The following ATP2C2 variants were observed in gnomAD, a reference collection of about 807,000 sequenced individuals.
ATP2C2 encodes ATPase secretory pathway Ca2+ transporting 2.
ATP2C2 carries 171 observed loss-of-function variants against 110.8 expected under a neutral mutation model. The ratio of observed to expected loss-of-function variants is 1.54; its 90% CI spans 1.36 to 1.75. The LOEUF (loss-of-function observed/expected upper bound fraction) is 1.75. ATP2C2 is among the 40% of genes most tolerant of loss of function. ATP2C2 has a pLI of 0.00. For missense variants in ATP2C2, 1,963 were observed against 1,235.0 expected (o/e 1.59, Z -8.84); for synonymous variants, 804 against 508.4 (o/e 1.58, Z -7.82).
intron 23 of ATP2C2, chr16:84,459,669 T>C (rs919815001): frequency 2.3e-6 from 3 of 1,310,744 alleles, no homozygotes; most frequent in Non-Finnish European, 3.1e-6. Flanking sequence ...TCATGCTTCA[T>C]TCCAGTCACC....
rs573411207 is a variant in ATP2C2, at chr16:84,463,758, C to T, written c.*26C>T. On this transcript the variant is annotated 3_prime_UTR_variant, in exon 27 of 27. Transcript: ENST00000262429. ...TGGACCGCACTCCGCGGCACCTTCC[C>T]TAATCATCTCGATCTGGTTGTGACT... The T allele has an allele frequency of 6.4e-7, 1 of 1,572,656 alleles. No homozygotes were observed. The highest frequency in any genetic ancestry group is 1.1e-5 in the South Asian group (1 of 90,240).
intron 11 of ATP2C2, among the ~76,000 whole-genome samples, chr16:84,430,043 G>A (rs907838378): frequency 6.6e-6 from 1 of 152,048 alleles, no homozygotes; most frequent in Non-Finnish European, 1.5e-5. Context: ...TTATAAGGAC[G>A]CCAGTTGTAT....
intron 10 of ATP2C2, among the ~76,000 whole-genome samples, chr16:84,425,244 C>T (rs544894600): frequency 4.3e-4 from 65 of 152,270 alleles, no homozygotes; most frequent in African/African-American, 1.5e-3. Context: ...GTCTCGTACA[C>T]CTAGTGCAGT....
At chr16:84,448,217 G>C (rs577438776) in intron 16 of ATP2C2, among the ~76,000 whole-genome samples, 12 of 152,150 alleles carry the variant, frequency 7.9e-5, no homozygotes, top group Non-Finnish European at 1.3e-4. Context: ...CACAGTCCCA[G>C]CTGGGATGAT....
chr16:84,440,570 G>C (rs72806625), intron 13 of ATP2C2, among the ~76,000 whole-genome samples: 17,075 of 152,270 alleles, frequency 0.11, 1,242 homozygotes, highest in Non-Finnish European at 0.16. Flanking sequence ...TCTTGGAATA[G>C]AAGCACTCTT....
At chr16:84,452,885 G>A (rs576501719) in intron 18 of ATP2C2, among the ~76,000 whole-genome samples, 1 of 152,190 alleles carries the variant, frequency 6.6e-6, no homozygotes, top group South Asian at 2.1e-4. Context: ...TCAGGTTCCA[G>A]TGTTACTCCT....
At chr16:84,449,457 G>A (rs1381154833) in intron 17 of ATP2C2, among the ~76,000 whole-genome samples, 1 of 152,206 alleles carries the variant, frequency 6.6e-6, no homozygotes, top group Non-Finnish European at 1.5e-5. Context: ...TCTACAATAG[G>A]CTTACAGGTA....
In ATP2C2 at chr16:84,405,261, C is replaced by A; in HGVS notation, c.327+17C>A. 2 of 1,592,980 alleles carry A rather than the reference C, an allele frequency of 1.3e-6. No homozygotes were observed. The highest frequency in any genetic ancestry group is 2.2e-5 in the South Asian group (2 of 90,480). On this transcript the variant is annotated intron_variant, in intron 3 of 26. Coordinates refer to ENST00000262429, the MANE Select transcript of ATP2C2 (RefSeq NM_014861.4). ...CTGGATCAGGTAGGACCAGAGGTGT[C>A]ATTCTTTGCATTAACATGCATAAGC...
intron 1 of ATP2C2, among the ~76,000 whole-genome samples, chr16:84,394,468 C>T (rs756786643): frequency 6.6e-6 from 1 of 152,090 alleles, no homozygotes; most frequent in Non-Finnish European, 1.5e-5. Context: ...TGTCTGGCTT[C>T]TTCCGCTTAG....
chr16:84,412,903 C>G (rs1405206228), intron 6 of ATP2C2, among the ~76,000 whole-genome samples: 2 of 151,620 alleles, frequency 1.3e-5, no homozygotes, highest in East Asian at 3.9e-4. Context: ...CAAGACCAGC[C>G]TGGCCAACAT....
At chr16:84,439,583 C>A in intron 13 of ATP2C2, 59 bp downstream of exon 13, 1 of 1,474,386 alleles carries the variant, frequency 6.8e-7, no homozygotes, top group Non-Finnish European at 9.5e-7. Context: ...TGTCTCCTTT[C>A]TAAACTAAGC....
chr16:84,405,980 T>A (rs771860858), intron 3 of ATP2C2, among the ~76,000 whole-genome samples: 5 of 152,192 alleles, frequency 3.3e-5, no homozygotes, highest in Non-Finnish European at 5.9e-5. Context: ...ATTTCTAGTA[T>A]AAGTGTGTCC....
At chr16:84,460,891 C>T (rs991461180) in intron 24 of ATP2C2, 90 bp downstream of exon 24, 22 of 1,472,882 alleles carry the variant, frequency 1.5e-5, no homozygotes, top group African/African-American at 2.8e-5. Flanking sequence ...CCACAGCTCA[C>T]ATCTGGGAGA....
At chr16:84,420,074 G>C (rs1907191271) in intron 7 of ATP2C2, among the ~76,000 whole-genome samples, 1 of 152,134 alleles carries the variant, frequency 6.6e-6, no homozygotes, top group Admixed American at 6.5e-5. Flanking sequence ...CCCTCCCCCA[G>C]CACATGTGAC....
At chr16:84,379,555 C>A (rs1290719054) in intron 1 of ATP2C2, among the ~76,000 whole-genome samples, 2 of 152,216 alleles carry the variant, frequency 1.3e-5, no homozygotes, top group Non-Finnish European at 2.9e-5. Flanking sequence ...AATGCAGAAT[C>A]TCAGGTTCCA....
intron 6 of ATP2C2, among the ~76,000 whole-genome samples, chr16:84,412,454 G>T (rs569595616): frequency 3.2e-5 from 4 of 124,634 alleles, no homozygotes; most frequent in East Asian, 4.3e-4. Context: ...GTGTGTGTCT[G>T]TGTCTCCGTG....
At chr16:84,417,200 C>G (rs1906918056) in intron 7 of ATP2C2, among the ~76,000 whole-genome samples, 1 of 152,116 alleles carries the variant, frequency 6.6e-6, no homozygotes, top group African/African-American at 2.4e-5. Flanking sequence ...TCAGAGATGC[C>G]AAAAGTGCTC....
At chr16:84,429,293 A>G (rs1908056178) in intron 11 of ATP2C2, among the ~76,000 whole-genome samples, 1 of 152,148 alleles carries the variant, frequency 6.6e-6, no homozygotes, top group Non-Finnish European at 1.5e-5. Context: ...CTGGGATTAT[A>G]GGGGCGCACC....
At chr16:84,380,714 A>C (rs1480950673) in intron 1 of ATP2C2, among the ~76,000 whole-genome samples, 1 of 152,178 alleles carries the variant, frequency 6.6e-6, no homozygotes, top group East Asian at 1.9e-4. Context: ...GGCAAACTTA[A>C]CTTTTCCCTG....
Sources: gnomAD v4.1 joint callset for allele counts (sites outside exome capture counted in the v4.1 genomes callset) on GRCh38, gnomAD v4.1.1 for gene constraint, MANE v1.5 for transcripts, NCBI Gene and HGNC (gene_info 2026-07-23, HGNC 2026-07-21) for gene names.